SLCO1B3: variants seen among roughly 807,000 people sequenced by gnomAD.
SLCO1B3 encodes liver-specific organic anion transporter 2.
SLCO1B3 carries 72 observed loss-of-function variants against 71.8 expected under a neutral mutation model. The observed-to-expected ratio is 1.00, with a 90% CI of 0.83 to 1.22. The LOEUF is 1.22. Ranked by LOEUF, SLCO1B3 falls within the 50% of genes most tolerant of loss-of-function variation. SLCO1B3 has a pLI of 0.00. For synonymous variants in SLCO1B3, 298 were observed against 278.4 expected, an observed-to-expected ratio of 1.07 and a Z score of -0.70; for missense variants, 911 against 819.7, an observed-to-expected ratio of 1.11 and a Z score of -1.36.
chr12:20,874,731 T>C (rs943638266), intron 8 of SLCO1B3, among the ~76,000 whole-genome samples: 1 of 152,212 alleles, frequency 6.6e-6, no homozygotes. Context: ...CTCTGTGCTG[T>C]CTGGAGAGTT....
intron 3 of SLCO1B3, among the ~76,000 whole-genome samples, chr12:20,848,860 A>C (rs893106326): frequency 2.0e-5 from 3 of 152,284 alleles, no homozygotes; most frequent in Admixed American, 1.3e-4. Context: ...AACAGTGCAG[A>C]GGATTTTTAG....
rs758003128 is a variant in SLCO1B3, at chr12:20,916,130, A to G, written c.1992A>G (p.Lys664=). 2 of 1,613,644 alleles carry G rather than the reference A, an allele frequency of 1.2e-6. No individual in the cohort carries two copies. The highest frequency in any genetic ancestry group is 2.2e-5 in the South Asian group (2 of 91,074). Residue 664 remains lysine (K), a synonymous_variant, in exon 16 of 16, where the codon AAA becomes AAG. Coordinates refer to ENST00000381545, the MANE Select transcript of SLCO1B3 (RefSeq NM_019844.4). The stretch of plus-strand genomic sequence containing the variant: ...CCAAGGCATCGGACAATGAAAGAAA[A>G]GTAATGGATGAAGCAAACTTAGAAT... ...KDTKASDNER[K]VMDEANLEFL... is the part of the protein sequence containing the mutation.
In SLCO1B3 at chr12:20,832,455, A is replaced by G. The variant is rs539009314; in HGVS notation, c.84+16633A>G. Among the ~76,000 whole-genome samples, 3 of 152,046 alleles carry G rather than the reference A, an allele frequency of 2.0e-5. No individual in the cohort carries two copies. In the East Asian group the frequency reaches 5.8e-4, roughly 29 times the overall value. On this transcript the variant is annotated intron_variant, in intron 3 of 15. Transcript: ENST00000381545. ...TGCTCTTCAAATTACCTGTACCCCTATATTGTAATGAAAATCTTTAACAAC... is the reference window on the plus strand; with the variant it reads ...TGCTCTTCAAATTACCTGTACCCCTGTATTGTAATGAAAATCTTTAACAAC...
chr12:20,880,071 A>G (rs1437235753), intron 11 of SLCO1B3, among the ~76,000 whole-genome samples: 1 of 151,350 alleles, frequency 6.6e-6, no homozygotes, highest in African/African-American at 2.4e-5. Context: ...TAAATTCTAT[A>G]CTCATTTGAA....
intron 3 of SLCO1B3, among the ~76,000 whole-genome samples, chr12:20,821,884 C>T (rs187427284): frequency 1.2e-4 from 18 of 152,098 alleles, no homozygotes; most frequent in Admixed American, 2.0e-4. Flanking sequence ...TTTGGGTCCA[C>T]GGATAAAACA....
chr12:20,831,519 G>T (rs1047615752), intron 3 of SLCO1B3, among the ~76,000 whole-genome samples: 2 of 151,982 alleles, frequency 1.3e-5, no homozygotes, highest in African/African-American at 2.4e-5. Flanking sequence ...CTCAACAATC[G>T]CATTACAACA....
At chr12:20,820,005 G>T (rs1301059386) in intron 3 of SLCO1B3, among the ~76,000 whole-genome samples, 1 of 151,966 alleles carries the variant, frequency 6.6e-6, no homozygotes, top group Non-Finnish European at 1.5e-5. Flanking sequence ...TGGGCAGGTG[G>T]GGATAACTAA....
At chr12:20,894,012 A>G (rs1461018837) in intron 13 of SLCO1B3, among the ~76,000 whole-genome samples, 1 of 152,170 alleles carries the variant, frequency 6.6e-6, no homozygotes, top group Non-Finnish European at 1.5e-5. Flanking sequence ...CAAACAGGAA[A>G]ACAAGCATTC....
intron 3 of SLCO1B3, among the ~76,000 whole-genome samples, chr12:20,816,908 T>C (rs1371097542): frequency 2.0e-5 from 3 of 152,212 alleles, no homozygotes; most frequent in Non-Finnish European, 4.4e-5. Context: ...GGGGGTGAGA[T>C]AGCATCTCAT....
intron 8 of SLCO1B3, among the ~76,000 whole-genome samples, chr12:20,867,281 C>T (rs190405215): frequency 1.3e-5 from 2 of 152,208 alleles, no homozygotes; most frequent in East Asian, 1.9e-4. Context: ...AAGATTACAC[C>T]GTTGAAGTCG....
chr12:20,883,298 A>G, intron 12 of SLCO1B3, 120 bp from the exon 13 acceptor site: 2 of 565,904 alleles, frequency 3.5e-6, no homozygotes, highest in Non-Finnish European at 5.5e-6. Context: ...CTATATTTTT[A>G]TAACATTTTT....
At chr12:20,914,866 G>T (rs1325803054) in intron 15 of SLCO1B3, among the ~76,000 whole-genome samples, 1 of 152,094 alleles carries the variant, frequency 6.6e-6, no homozygotes, top group African/African-American at 2.4e-5. Flanking sequence ...TTTCTGAAGA[G>T]AAGGCTGATG....
intron 13 of SLCO1B3, among the ~76,000 whole-genome samples, chr12:20,893,419 G>A (rs371912024): frequency 6.6e-6 from 1 of 152,168 alleles, no homozygotes. Context: ...CTTCAGCAAG[G>A]AGGTTAGAGA....
chr12:20,882,631 C>T (rs1279449797), intron 12 of SLCO1B3, among the ~76,000 whole-genome samples: 1 of 152,074 alleles, frequency 6.6e-6, no homozygotes, highest in Non-Finnish European at 1.5e-5. Flanking sequence ...GTCGCAAACT[C>T]GTGACCTCAT....
chr12:20,913,599 AAAATT>A (rs1396702976), intron 15 of SLCO1B3, among the ~76,000 whole-genome samples: 1 of 152,222 alleles, frequency 6.6e-6, no homozygotes, highest in Non-Finnish European at 1.5e-5. Context: ...TTGAAATTAA[AAAATT>A]AAAATAGGTA....
intron 3 of SLCO1B3, among the ~76,000 whole-genome samples, chr12:20,854,529 G>C (rs745659286): frequency 1.3e-5 from 2 of 151,934 alleles, no homozygotes; most frequent in Admixed American, 1.3e-4. Flanking sequence ...CTCTCTTTAG[G>C]TTCCTGTTTG....
chr12:20,897,947 G>T (rs1048251140), intron 13 of SLCO1B3, among the ~76,000 whole-genome samples: 3 of 152,060 alleles, frequency 2.0e-5, no homozygotes, highest in African/African-American at 7.2e-5. Flanking sequence ...ATACAGAAAA[G>T]TTTTTTGACC....
At chr12:20,878,282 A>G (rs994850414) in intron 10 of SLCO1B3, among the ~76,000 whole-genome samples, 29 of 152,130 alleles carry the variant, frequency 1.9e-4, no homozygotes, top group Non-Finnish European at 3.8e-4. Flanking sequence ...CTTTTATAAT[A>G]TAACCATTAT....
intron 3 of SLCO1B3, among the ~76,000 whole-genome samples, chr12:20,827,547 A>G (rs1207857750): frequency 1.4e-5 from 2 of 147,290 alleles, no homozygotes; most frequent in African/African-American, 2.5e-5. Flanking sequence ...TAGACTTCCA[A>G]TTTAGATATT....
Sources: gnomAD v4.1 joint callset for allele counts (sites outside exome capture counted in the v4.1 genomes callset) on GRCh38, gnomAD v4.1.1 for gene constraint, MANE v1.5 for transcripts, NCBI Gene and HGNC (gene_info 2026-07-23, HGNC 2026-07-21) for gene names.